The following RBFOX1 variants were observed in gnomAD, a reference collection of about 807,000 sequenced individuals.
RBFOX1 encodes RNA binding fox-1 homolog 1.
A neutral mutation model predicts 57.7 loss-of-function variants in RBFOX1; 8 were observed. The observed-to-expected ratio is 0.14, with a 90% CI of 0.08 to 0.25. RBFOX1 has a LOEUF of 0.25. Among genes scored for constraint, RBFOX1 ranks in the 10% least tolerant of loss-of-function variants. The pLI is 1.00. For synonymous variants in RBFOX1, 326 were observed against 222.4 expected (o/e 1.47, Z -4.15); for missense variants, 611 against 548.5 (o/e 1.11, Z -1.14).
intron 3 of RBFOX1, among the ~76,000 whole-genome samples, chr16:6,967,059 C>T (rs1267353650): frequency 2.0e-5 from 3 of 152,158 alleles, no homozygotes; most frequent in Non-Finnish European, 4.4e-5. Context: ...CTCCATCTAT[C>T]CATATATCTA....
intron 2 of RBFOX1, among the ~76,000 whole-genome samples, chr16:5,556,062 C>G (rs1168462313): frequency 6.6e-6 from 1 of 151,956 alleles, no homozygotes; most frequent in Non-Finnish European, 1.5e-5. Flanking sequence ...AACAACGACA[C>G]CAAAAAACAC....
At chr16:6,400,606 G>C (rs75250729) in intron 2 of RBFOX1, among the ~76,000 whole-genome samples, 1 of 152,198 alleles carries the variant, frequency 6.6e-6, no homozygotes, top group African/African-American at 2.4e-5. Flanking sequence ...AAATCAGGCT[G>C]GGCCTTGTAG....
At chr16:6,802,654 G>A (rs1158461895) in intron 3 of RBFOX1, among the ~76,000 whole-genome samples, 3 of 152,164 alleles carry the variant, frequency 2.0e-5, no homozygotes, top group African/African-American at 7.2e-5. Context: ...TCCAGCCTGG[G>A]TGGCAGTGAG....
chr16:6,976,110 G>A (rs962157084), intron 3 of RBFOX1, among the ~76,000 whole-genome samples: 1 of 150,976 alleles, frequency 6.6e-6, no homozygotes, highest in East Asian at 1.9e-4. Flanking sequence ...CTGGGCGACA[G>A]AGTGAGACTC....
intron 4 of RBFOX1, among the ~76,000 whole-genome samples, chr16:7,289,911 C>T (rs1373313538): frequency 2.0e-5 from 3 of 152,272 alleles, no homozygotes; most frequent in Admixed American, 2.0e-4. Flanking sequence ...AGGTCTGCCT[C>T]CCTAGTCCTT....
At chr16:7,472,207 C>T (rs1599291689) in intron 4 of RBFOX1, among the ~76,000 whole-genome samples, 1 of 151,940 alleles carries the variant, frequency 6.6e-6, no homozygotes, top group South Asian at 2.1e-4. Flanking sequence ...AAGATATAGA[C>T]ATAGACTTAG....
intron 2 of RBFOX1, among the ~76,000 whole-genome samples, chr16:5,471,790 T>C (rs2069145334): frequency 6.6e-6 from 1 of 152,218 alleles, no homozygotes; most frequent in South Asian, 2.1e-4. Context: ...AGCGGTATAT[T>C]TCTAGAGTCT....
At chr16:6,796,536 G>C (rs984394960) in intron 3 of RBFOX1, among the ~76,000 whole-genome samples, 1 of 152,134 alleles carries the variant, frequency 6.6e-6, no homozygotes, top group African/African-American at 2.4e-5. Flanking sequence ...AATAGATGTT[G>C]TCTATGAATT....
In RBFOX1 at chr16:6,948,530, C is replaced by A. The variant is rs192018629; in HGVS notation, c.-15-103527C>A. 2.6e-5 allele frequency among the ~76,000 whole-genome samples: 4 copies of A among 151,418 alleles called. No individual in the cohort carries two copies. The East Asian group carries it at 7.9e-4, about 30-fold the overall frequency. ...CCCAAGTAGCTTGGACTAGAGGCGC[C>A]CACCACCATGCCCAGCTAATTTTTG... On this transcript the variant is annotated intron_variant, in intron 3 of 15. Transcript: ENST00000550418.
intron 3 of RBFOX1, among the ~76,000 whole-genome samples, chr16:5,785,948 C>T (rs555986256): frequency 1.8e-4 from 28 of 152,264 alleles, no homozygotes; most frequent in African/African-American, 6.5e-4. Context: ...CCCCCATTTC[C>T]ATTCCCTACC....
At chr16:6,187,156 C>T (rs951648020) in intron 1 of RBFOX1, among the ~76,000 whole-genome samples, 1 of 152,056 alleles carries the variant, frequency 6.6e-6, no homozygotes, top group Non-Finnish European at 1.5e-5. Context: ...TCATGCTTGG[C>T]CCTATCATAC....
chr16:5,551,162 G>T (rs1489783627), intron 2 of RBFOX1, among the ~76,000 whole-genome samples: 3 of 152,116 alleles, frequency 2.0e-5, no homozygotes, highest in Non-Finnish European at 4.4e-5. Flanking sequence ...TTTTCTTCTG[G>T]CTTGAGATAA....
intron 1 of RBFOX1, among the ~76,000 whole-genome samples, chr16:5,393,084 G>A (rs541269990): frequency 7.2e-5 from 11 of 152,204 alleles, no homozygotes; most frequent in Non-Finnish European, 2.9e-5. Flanking sequence ...TGGCGAGGGT[G>A]GGGCTGTGGC....
intron 9 of RBFOX1, 135 bp from the exon 10 acceptor site, chr16:7,607,150 T>C (rs2095313065): frequency 1.5e-6 from 1 of 686,948 alleles, no homozygotes. Flanking sequence ...TTTTTATGCA[T>C]GCCCAAACGA....
intron 4 of RBFOX1, among the ~76,000 whole-genome samples, chr16:7,094,777 G>GTGTGTGT (rs1567232668): frequency 5.8e-4 from 31 of 53,604 alleles, no homozygotes; most frequent in South Asian, 1.3e-3. Flanking sequence ...TGTGTGTGTG[G>GTGTGTGT]GTGTGTGTGT....
rs142753611 is a variant in RBFOX1 at position 7,089,681 on chromosome 16, G to A, written c.27+37583G>A. Among the ~76,000 whole-genome samples, 200 of 152,206 alleles carry A rather than the reference G, an allele frequency of 1.3e-3. 1 individual carries two copies. Among genetic ancestry groups the A allele is most frequent in the African/African-American group, 4.5e-3 (187 of 41,542 alleles). On this transcript the variant is annotated intron_variant, in intron 4 of 15. Coordinates refer to ENST00000550418, the MANE Select transcript of RBFOX1 (RefSeq NM_018723.4). ...ACTCAAAGCAGAGGAAAAATGATGC[G>A]TGTCCCAGACCCCCTTCCACATCCG... is the stretch of plus-strand genomic sequence containing the variant.
At chr16:7,408,487 G>C (rs2098383677) in intron 4 of RBFOX1, among the ~76,000 whole-genome samples, 1 of 152,164 alleles carries the variant, frequency 6.6e-6, no homozygotes, top group Non-Finnish European at 1.5e-5. Flanking sequence ...ACGTCTGTTT[G>C]ATCTGCTGAG....
At chr16:5,467,581 A>G (rs1244870609) in intron 2 of RBFOX1, among the ~76,000 whole-genome samples, 3 of 152,196 alleles carry the variant, frequency 2.0e-5, no homozygotes, top group African/African-American at 7.2e-5. Context: ...TGAACTTTGA[A>G]GGTGAGTGAA....
chr16:6,793,422 G>T (rs117828168), intron 3 of RBFOX1, among the ~76,000 whole-genome samples: 4,851 of 152,142 alleles, frequency 0.032, 117 homozygotes, highest in Non-Finnish European at 0.053. Context: ...TTACCTGTTC[G>T]TAATACAGAA....
Sources: gnomAD v4.1 joint callset for allele counts (sites outside exome capture counted in the v4.1 genomes callset) on GRCh38, gnomAD v4.1.1 for gene constraint, MANE v1.5 for transcripts, NCBI Gene and HGNC (gene_info 2026-07-23, HGNC 2026-07-21) for gene names.